CCBE1: variants seen among roughly 807,000 people sequenced by gnomAD.
The protein encoded by CCBE1 is collagen and calcium binding EGF domains 1.
CCBE1 carries 37 observed loss-of-function variants against 50.0 expected under a neutral mutation model. The ratio of observed to expected loss-of-function variants is 0.74; its 90% confidence interval spans 0.57 to 0.97. CCBE1 has a LOEUF of 0.97. CCBE1 is among the 50% of genes least tolerant of loss of function. The pLI is 0.00. For missense variants in CCBE1, 538 were observed against 523.8 expected, an observed-to-expected ratio of 1.03 and a Z score of -0.26; for synonymous variants, 234 against 203.7, an observed-to-expected ratio of 1.15 and a Z score of -1.27.
chr18:59,667,142 G>A (rs1346721005), intron 2 of CCBE1, among the ~76,000 whole-genome samples: 2 of 151,922 alleles, frequency 1.3e-5, no homozygotes, highest in South Asian at 2.1e-4. Context: ...GGTGGCATAC[G>A]TCTATAGTCC....
intron 7 of CCBE1, among the ~76,000 whole-genome samples, chr18:59,446,284 C>T (rs531338911): frequency 6.8e-4 from 104 of 152,330 alleles, no homozygotes; most frequent in African/African-American, 2.0e-3. Context: ...CCTGCTCCTA[C>T]AGTTGGTTTT....
rs1190815933 is a variant in CCBE1 at position 59,432,067 on chromosome 18, T to C, written c.*3841A>G. Reference sequence around the variant, plus strand: ...CTCCCGGGTTCAAGCAATTCTTGTGTCTCAGCTTCCCGAGTAGCTGAGACT... The same window carrying C: ...CTCCCGGGTTCAAGCAATTCTTGTGCCTCAGCTTCCCGAGTAGCTGAGACT... On this transcript the variant is annotated 3_prime_UTR_variant, in exon 11 of 11. Coordinates refer to ENST00000439986, the MANE Select transcript of CCBE1 (RefSeq NM_133459.4). 4 of 152,180 alleles carry C rather than the reference T, an allele frequency of 2.6e-5. No individual in the cohort carries two copies. Among genetic ancestry groups the C allele is most frequent in the Non-Finnish European group, 5.9e-5 (4 of 68,070 alleles). The allele number at this position is 152,180 out of a possible 1,614,324, so 9.4% of individuals were successfully genotyped here.
intron 7 of CCBE1, among the ~76,000 whole-genome samples, chr18:59,447,225 G>A (rs74503782): frequency 0.13 from 19,484 of 152,034 alleles, 1,364 homozygotes; most frequent in African/African-American, 0.18. Context: ...ATATGTGTGT[G>A]TATATATGTG....
Position 59,680,654 on chromosome 18 carries a change from CT to C in CCBE1, c.212+15974del, listed in dbSNP as rs1475472763. ...CGGAGGTTGCAGTGAGCCGAGATTGCTGCCACTGCACTCCAGCCTGGGAGAC... is the reference window on the plus strand; with the variant it reads ...CGGAGGTTGCAGTGAGCCGAGATTGCGCCACTGCACTCCAGCCTGGGAGAC... On this transcript the variant is annotated intron_variant, in intron 2 of 10. Coordinates refer to ENST00000439986, the MANE Select transcript of CCBE1 (RefSeq NM_133459.4). Among the ~76,000 whole-genome samples the C allele has an allele frequency of 8.0e-5, 12 of 150,748 alleles. No homozygotes were observed. The South Asian group carries it at 2.5e-3, about 32-fold the overall frequency.
At chr18:59,632,098 C>T (rs1444356736) in intron 2 of CCBE1, among the ~76,000 whole-genome samples, 1 of 152,146 alleles carries the variant, frequency 6.6e-6, no homozygotes, top group Admixed American at 6.5e-5. Context: ...GAATTTTCTG[C>T]TCTAGGCAGA....
At chr18:59,456,534 G>A (rs369995312) in intron 5 of CCBE1, among the ~76,000 whole-genome samples, 5 of 152,288 alleles carry the variant, frequency 3.3e-5, no homozygotes, top group African/African-American at 1.2e-4. Context: ...ACCAGATGCT[G>A]GGGAAAGGCA....
chr18:59,463,190 C>G (rs1172093729), intron 5 of CCBE1, among the ~76,000 whole-genome samples: 1 of 152,218 alleles, frequency 6.6e-6, no homozygotes, highest in East Asian at 1.9e-4. Flanking sequence ...CCCACCCTAG[C>G]CTGCCCCCAG....
intron 2 of CCBE1, among the ~76,000 whole-genome samples, chr18:59,542,761 C>T (rs1915519749): frequency 6.6e-6 from 1 of 151,916 alleles, no homozygotes; most frequent in Non-Finnish European, 1.5e-5. Context: ...CACATCCTTT[C>T]CTCCCCGCAG....
chr18:59,607,683 C>T (rs544836228), intron 2 of CCBE1, among the ~76,000 whole-genome samples: 7 of 152,320 alleles, frequency 4.6e-5, no homozygotes, highest in South Asian at 2.1e-4. Flanking sequence ...TGGTTAGACA[C>T]GGACTCTGGA....
In CCBE1 at chr18:59,577,171, G is replaced by A. The variant is rs2053010583; in HGVS notation, c.213-96933C>T. Among the ~76,000 whole-genome samples, 4 of 152,328 alleles carry A rather than the reference G, an allele frequency of 2.6e-5. No individual in the cohort carries two copies. In the South Asian group the frequency reaches 8.3e-4, roughly 32 times the overall value. ...TGGATGTGGAAGAAAATAGGAAAGG[G>A]ATGGCGAAGGTTGAGAGAGAAAAGG... On this transcript the variant is annotated intron_variant, in intron 2 of 10. Transcript: ENST00000439986.
chr18:59,518,052 G>A (rs776091791), intron 2 of CCBE1, among the ~76,000 whole-genome samples: 12 of 143,412 alleles, frequency 8.4e-5, no homozygotes, highest in Non-Finnish European at 1.5e-4. Flanking sequence ...TAGGCCCTTG[G>A]TGAGTGTCCT....
chr18:59,626,919 A>C (rs1437823942), intron 2 of CCBE1, among the ~76,000 whole-genome samples: 4 of 152,214 alleles, frequency 2.6e-5, no homozygotes, highest in Non-Finnish European at 5.9e-5. Context: ...TTGTGCTCTT[A>C]GTCACCATGT....
intron 2 of CCBE1, among the ~76,000 whole-genome samples, chr18:59,501,479 G>C (rs1314844602): frequency 6.6e-6 from 1 of 152,180 alleles, no homozygotes; most frequent in East Asian, 1.9e-4. Context: ...CTGACAAGCT[G>C]TGTGGAAGGG....
At chr18:59,504,824 G>A (rs185749288) in intron 2 of CCBE1, among the ~76,000 whole-genome samples, 1 of 152,118 alleles carries the variant, frequency 6.6e-6, no homozygotes, top group Admixed American at 6.5e-5. Context: ...GGCTCTCTAA[G>A]CCAAGCACAC....
At chr18:59,571,545 C>T (rs1016906170) in intron 2 of CCBE1, among the ~76,000 whole-genome samples, 11 of 128,786 alleles carry the variant, frequency 8.5e-5, no homozygotes, top group African/African-American at 3.0e-4. Context: ...ATAATGGGTG[C>T]AGCACACCAC....
At chr18:59,574,306 C>T (rs1325174344) in intron 2 of CCBE1, among the ~76,000 whole-genome samples, 1 of 152,212 alleles carries the variant, frequency 6.6e-6, no homozygotes, top group South Asian at 2.1e-4. Context: ...TAGTTTAGAA[C>T]TTCCAATAAT....
intron 2 of CCBE1, chr18:59,568,624 C>T (rs1035139989): frequency 6.6e-6 from 1 of 152,234 alleles, no homozygotes; most frequent in Non-Finnish European, 1.5e-5. Flanking sequence ...TAGGCTGCAT[C>T]TGCTCAGTTC....
At chr18:59,636,314 G>A (rs938851449) in intron 2 of CCBE1, among the ~76,000 whole-genome samples, 2 of 152,156 alleles carry the variant, frequency 1.3e-5, no homozygotes, top group African/African-American at 4.8e-5. Context: ...AGGATAAAGA[G>A]TCATTTACAT....
At chr18:59,595,199 C>T (rs1045659685) in intron 2 of CCBE1, among the ~76,000 whole-genome samples, 6 of 149,740 alleles carry the variant, frequency 4.0e-5, no homozygotes, top group African/African-American at 1.5e-4. Context: ...CTTGCACAGG[C>T]CTGGCCAGTA....
Sources: allele counts gnomAD v4.1 joint callset (sites outside exome capture counted in the v4.1 genomes callset), GRCh38; gene constraint gnomAD v4.1.1; transcripts MANE v1.5; gene names NCBI Gene and HGNC (gene_info 2026-07-23, HGNC 2026-07-21).